NRG3: variants seen among roughly 807,000 people sequenced by gnomAD.
The protein encoded by NRG3 is neuregulin 3.
In NRG3, 31 loss-of-function variants were observed where a neutral mutation model predicts 66.9. The observed-to-expected ratio is 0.46, with a 90% CI of 0.35 to 0.63. The LOEUF (loss-of-function observed/expected upper bound fraction) is 0.63, where lower values mean the gene tolerates loss of function less well. NRG3 is among the 20% of genes least tolerant of loss of function. NRG3 has a pLI of 0.00. For synonymous variants in NRG3, 393 were observed against 359.4 expected, an observed-to-expected ratio of 1.09 and a Z score of -1.06; for missense variants, 910 against 878.9, an observed-to-expected ratio of 1.04 and a Z score of -0.45.
intron 2 of NRG3, among the ~76,000 whole-genome samples, chr10:82,384,264 GT>G (rs997308612): frequency 6.0e-5 from 9 of 150,936 alleles, no homozygotes; most frequent in Admixed American, 1.3e-4. Flanking sequence ...CTTTATTTTA[GT>G]TTTTTTTTAT....
intron 6 of NRG3, among the ~76,000 whole-genome samples, chr10:82,965,634 G>A (rs1851137131): frequency 6.6e-6 from 1 of 152,078 alleles, no homozygotes; most frequent in Admixed American, 6.6e-5. Flanking sequence ...TACTCAGGAG[G>A]CTGACACATG....
chr10:82,160,733 G>T (rs1432329305), intron 1 of NRG3, among the ~76,000 whole-genome samples: 2 of 151,952 alleles, frequency 1.3e-5, no homozygotes, highest in Non-Finnish European at 2.9e-5. Context: ...ATATTGAAGA[G>T]AATATTTTAA....
intron 3 of NRG3, among the ~76,000 whole-genome samples, chr10:82,835,147 TA>T (rs1347089432): frequency 6.6e-6 from 1 of 152,196 alleles, no homozygotes; most frequent in Non-Finnish European, 1.5e-5. Flanking sequence ...AATGACATTT[TA>T]TACAGGCTCT....
At chr10:82,465,193 G>C (rs935147212) in intron 2 of NRG3, among the ~76,000 whole-genome samples, 1 of 152,224 alleles carries the variant, frequency 6.6e-6, no homozygotes, top group Non-Finnish European at 1.5e-5. Flanking sequence ...AAACAGCCAT[G>C]CTAGGATCTT....
intron 2 of NRG3, among the ~76,000 whole-genome samples, chr10:82,526,867 G>A (rs1846754535): frequency 6.6e-6 from 1 of 151,948 alleles, no homozygotes; most frequent in African/African-American, 2.4e-5. Context: ...ATTACTTTTA[G>A]GCATATTTGT....
chr10:82,075,822 G>A (rs963253782), intron 1 of NRG3, among the ~76,000 whole-genome samples: 2 of 151,862 alleles, frequency 1.3e-5, no homozygotes, highest in African/African-American at 2.4e-5. Flanking sequence ...CTTCAGATAA[G>A]GAAATCTGAA....
At chr10:82,523,838 G>A (rs1442579887) in intron 2 of NRG3, among the ~76,000 whole-genome samples, 1 of 152,096 alleles carries the variant, frequency 6.6e-6, no homozygotes, top group African/African-American at 2.4e-5. Flanking sequence ...GGCTCCAAGT[G>A]TGGTTGACTT....
At chr10:82,215,963 C>CTTTTTTTTTTTTTTTTTT (rs71894841) in intron 1 of NRG3, among the ~76,000 whole-genome samples, 2 of 89,722 alleles carry the variant, frequency 2.2e-5, no homozygotes, top group African/African-American at 4.6e-5. Flanking sequence ...TTATGTTTTC[C>CTTTTTTTTTTTTTTTTTT]TTTTTTTTTT....
chr10:82,367,721 G>C (rs185182936), intron 2 of NRG3, among the ~76,000 whole-genome samples: 4 of 152,068 alleles, frequency 2.6e-5, no homozygotes, highest in Non-Finnish European at 5.9e-5. Flanking sequence ...TTGACCGAAC[G>C]TGGTGGCTCA....
At chr10:82,008,112 T>C (rs2061442920) in intron 1 of NRG3, among the ~76,000 whole-genome samples, 1 of 152,196 alleles carries the variant, frequency 6.6e-6, no homozygotes, top group African/African-American at 2.4e-5. Flanking sequence ...CTCATGAGGC[T>C]TCTGGATTAA....
intron 4 of NRG3, among the ~76,000 whole-genome samples, chr10:82,907,622 G>A (rs143694420): frequency 4.6e-5 from 7 of 152,142 alleles, no homozygotes; most frequent in African/African-American, 9.6e-5. Context: ...TGGAACCTTC[G>A]TAGTTGCTAT....
At chr10:82,086,776 G>A (rs1013384703) in intron 1 of NRG3, among the ~76,000 whole-genome samples, 5 of 152,194 alleles carry the variant, frequency 3.3e-5, no homozygotes, top group South Asian at 2.1e-4. Context: ...GAAGTAGCAC[G>A]CCCATCACCA....
intron 1 of NRG3, among the ~76,000 whole-genome samples, chr10:81,946,732 A>AATACAC (rs1364722055): frequency 6.6e-6 from 1 of 152,194 alleles, no homozygotes; most frequent in East Asian, 1.9e-4. Context: ...TGAATACATG[A>AATACAC]GCTGTCCATC....
chr10:82,467,717 T>A (rs1450751923), intron 2 of NRG3, among the ~76,000 whole-genome samples: 6 of 152,194 alleles, frequency 3.9e-5, no homozygotes, highest in African/African-American at 1.4e-4. Flanking sequence ...AAGGCATTCA[T>A]GCTACCAAAC....
chr10:82,291,275 G>C (rs1047968957), intron 1 of NRG3, among the ~76,000 whole-genome samples: 1 of 152,108 alleles, frequency 6.6e-6, no homozygotes, highest in Non-Finnish European at 1.5e-5. Flanking sequence ...GACGTGATTA[G>C]ATGTAAACTT....
At chr10:82,186,875 G>T (rs676032) in intron 1 of NRG3, among the ~76,000 whole-genome samples, 2,771 of 152,152 alleles carry the variant, frequency 0.018, 49 homozygotes, top group South Asian at 0.067. Context: ...TCTCCACATG[G>T]TACTGCCAGC....
chr10:81,883,799 C>A (rs1205424294), intron 1 of NRG3, among the ~76,000 whole-genome samples: 4 of 152,050 alleles, frequency 2.6e-5, no homozygotes, highest in African/African-American at 9.7e-5. Context: ...AAAGCCACAC[C>A]CTCATCATCA....
chr10:82,091,480 G>A (rs913907943), intron 1 of NRG3, among the ~76,000 whole-genome samples: 2 of 152,088 alleles, frequency 1.3e-5, no homozygotes, highest in Non-Finnish European at 2.9e-5. Flanking sequence ...TCATGTTCTA[G>A]CATTTTTCAA....
intron 2 of NRG3, among the ~76,000 whole-genome samples, chr10:82,666,252 C>T (rs1007143083): frequency 2.0e-5 from 3 of 152,196 alleles, no homozygotes; most frequent in African/African-American, 7.2e-5. Flanking sequence ...TCCCTTGGTG[C>T]TATTCTTTAT....
Sources: allele counts gnomAD v4.1 joint callset (sites outside exome capture counted in the v4.1 genomes callset), GRCh38; gene constraint gnomAD v4.1.1; transcripts MANE v1.5; gene names NCBI Gene and HGNC (gene_info 2026-07-23, HGNC 2026-07-21).